The following MACROD2 variants were observed in gnomAD, a reference collection of about 807,000 sequenced individuals.
MACROD2 encodes mono-ADP ribosylhydrolase 2, also known as ADP-ribose glycohydrolase MACROD2.
MACROD2 carries 36 observed loss-of-function variants against 70.4 expected under a neutral mutation model. The ratio of observed to expected loss-of-function variants is 0.51; its 90% CI spans 0.39 to 0.68. The LOEUF is 0.68. Among genes scored for constraint, MACROD2 ranks in the 30% least tolerant of loss-of-function variants. The pLI is 0.00. For synonymous variants in MACROD2, 172 were observed against 178.8 expected (o/e 0.96, Z 0.30); for missense variants, 496 against 538.4 (o/e 0.92, Z 0.78).
chr20:15,033,709 C>T (rs2075292455), intron 5 of MACROD2, among the ~76,000 whole-genome samples: 1 of 152,192 alleles, frequency 6.6e-6, no homozygotes, highest in Non-Finnish European at 1.5e-5. Flanking sequence ...CATCATTCAT[C>T]ATTTTTGTCT....
At chr20:14,317,544 A>T (rs1248412928) in intron 3 of MACROD2, among the ~76,000 whole-genome samples, 1 of 147,396 alleles carries the variant, frequency 6.8e-6, no homozygotes, top group Non-Finnish European at 1.5e-5. Context: ...TGAACCTGGG[A>T]GGTGGAGGTT....
At chr20:16,032,213 T>A (rs965532525) in intron 15 of MACROD2, among the ~76,000 whole-genome samples, 1 of 152,044 alleles carries the variant, frequency 6.6e-6, no homozygotes, top group African/African-American at 2.4e-5. Context: ...TGAGCACACA[T>A]GGAATAAATA....
At chr20:15,694,528 C>G (rs1268403399) in intron 8 of MACROD2, among the ~76,000 whole-genome samples, 1 of 151,790 alleles carries the variant, frequency 6.6e-6, no homozygotes, top group Non-Finnish European at 1.5e-5. Flanking sequence ...TGAGAATTGT[C>G]TATTCATATT....
intron 3 of MACROD2, among the ~76,000 whole-genome samples, chr20:14,129,708 C>T (rs936773770): frequency 5.3e-5 from 8 of 152,116 alleles, no homozygotes; most frequent in African/African-American, 1.9e-4. Flanking sequence ...ACAGCAAAAC[C>T]AATCTTTAGC....
At chr20:14,348,193 C>T (rs112082781) in intron 3 of MACROD2, among the ~76,000 whole-genome samples, 3,084 of 150,206 alleles carry the variant, frequency 0.021, 99 homozygotes, top group African/African-American at 0.073. Flanking sequence ...TGCTTGAGCC[C>T]AGGAGGTGGA....
intron 5 of MACROD2, among the ~76,000 whole-genome samples, chr20:15,017,847 C>T (rs573738317): frequency 1.3e-5 from 2 of 152,306 alleles, no homozygotes; most frequent in Admixed American, 6.5e-5. Flanking sequence ...AGCTGGGACA[C>T]AGGGCACCAA....
chr20:15,484,106 C>A lies in MACROD2; in HGVS notation c.572-15668C>A, dbSNP rs1011668015. ...TATTTTTCTTGTCTTGCTGCTTTATCTAGGACCTCCATTGTGATGCTGTTA... is the reference window on the plus strand; with the variant it reads ...TATTTTTCTTGTCTTGCTGCTTTATATAGGACCTCCATTGTGATGCTGTTA... On this transcript the variant is annotated intron_variant, in intron 7 of 17. Transcript: ENST00000684519. 2.3e-5 allele frequency among the ~76,000 whole-genome samples: 3 copies of A among 131,744 alleles called. No homozygotes were observed. The Admixed American group carries it at 2.3e-4, about 10-fold the overall frequency. 86.4% of individuals were successfully genotyped at this position (131,744 alleles called of 152,430 possible).
intron 6 of MACROD2, among the ~76,000 whole-genome samples, chr20:15,281,870 G>T (rs2077447995): frequency 6.6e-6 from 1 of 152,196 alleles, no homozygotes; most frequent in African/African-American, 2.4e-5. Context: ...TGCCCTAACA[G>T]AGGATCTCCA....
rs114530317 is a variant in MACROD2 at position 15,092,974 on chromosome 20, A to G, written c.419-136966A>G. On this transcript the variant is annotated intron_variant, in intron 5 of 17. Coordinates refer to ENST00000684519, the MANE Select transcript of MACROD2 (RefSeq NM_001351661.2). ...CCTCTGAGTAAATATCACTAGTTGG[A>G]TAGAGTTTTATTCTACAAAGTAAAT... 1.7e-3 allele frequency among the ~76,000 whole-genome samples: 260 copies of G among 152,278 alleles called. 2 individuals are homozygous for G. Among genetic ancestry groups the G allele is most frequent in the African/African-American group, 6.0e-3 (248 of 41,564 alleles).
intron 12 of MACROD2, among the ~76,000 whole-genome samples, chr20:15,947,915 T>G (rs565745514): frequency 6.6e-6 from 1 of 152,262 alleles, no homozygotes; most frequent in South Asian, 2.1e-4. Context: ...AATGGGCCAC[T>G]TTTTGCTGGT....
At chr20:14,925,529 C>T (rs1227624320) in intron 5 of MACROD2, among the ~76,000 whole-genome samples, 1 of 152,180 alleles carries the variant, frequency 6.6e-6, no homozygotes, top group Non-Finnish European at 1.5e-5. Context: ...CATGAGTCAT[C>T]ATCCTTGGAA....
At chr20:15,010,937 C>T (rs1287033340) in intron 5 of MACROD2, among the ~76,000 whole-genome samples, 1 of 152,118 alleles carries the variant, frequency 6.6e-6, no homozygotes, top group East Asian at 1.9e-4. Context: ...ACTCAGTGAA[C>T]CTGGTTTTAC....
chr20:14,926,350 C>G (rs992659302), intron 5 of MACROD2, among the ~76,000 whole-genome samples: 6 of 151,962 alleles, frequency 3.9e-5, no homozygotes, highest in Non-Finnish European at 5.9e-5. Flanking sequence ...GAGATCAAGA[C>G]CATCCTGGCC....
intron 5 of MACROD2, among the ~76,000 whole-genome samples, chr20:15,033,946 C>G (rs771236712): frequency 1.3e-5 from 2 of 152,086 alleles, no homozygotes; most frequent in South Asian, 2.1e-4. Flanking sequence ...AGAGTTCAGA[C>G]GGCAAATGAT....
rs1555938552 is a variant in MACROD2 at position 14,222,813 on chromosome 20, G to GGAAA, written c.271+137085_271+137086insGAAA. On this transcript the variant is annotated intron_variant, in intron 3 of 17. Coordinates refer to ENST00000684519, the MANE Select transcript of MACROD2 (RefSeq NM_001351661.2). The stretch of plus-strand genomic sequence containing the variant: ...TTCACAGTTCAACCTTTGGATTTCT[G>GGAAA]AAAAAAAAAAAAAAAAAAAAAAAAA... Among the ~76,000 whole-genome samples, 4 of 132,918 alleles carry GGAAA rather than the reference G, an allele frequency of 3.0e-5. 1 individual carries two copies. Among genetic ancestry groups the GGAAA allele is most frequent in the Non-Finnish European group, 3.2e-5 (2 of 63,286 alleles). The allele number at this position is 132,918 out of a possible 152,430, so 87.2% of individuals were successfully genotyped here.
intron 7 of MACROD2, among the ~76,000 whole-genome samples, chr20:15,443,824 C>G (rs2046526905): frequency 6.6e-6 from 1 of 152,142 alleles, no homozygotes; most frequent in South Asian, 2.1e-4. Context: ...AGAGATCATA[C>G]TCTGGATTCA....
intron 8 of MACROD2, among the ~76,000 whole-genome samples, chr20:15,746,314 C>A (rs75663285): frequency 0.043 from 6,530 of 151,586 alleles, 157 homozygotes; most frequent in Middle Eastern, 0.078. Context: ...TTCTAAATAT[C>A]TGTTATTTTT....
At chr20:15,503,056 T>C (rs6110632) in intron 8 of MACROD2, among the ~76,000 whole-genome samples, 19,925 of 152,216 alleles carry the variant, frequency 0.13, 1,500 homozygotes, top group East Asian at 0.24. Flanking sequence ...AATGCAGCCT[T>C]TTTGTATGTT....
chr20:14,998,491 C>T (rs2074968486), intron 5 of MACROD2, among the ~76,000 whole-genome samples: 1 of 152,034 alleles, frequency 6.6e-6, no homozygotes, highest in Non-Finnish European at 1.5e-5. Context: ...CCAAAGAATT[C>T]ACCAGAGTCT....
Sources: gnomAD v4.1 joint callset for allele counts (sites outside exome capture counted in the v4.1 genomes callset) on GRCh38, gnomAD v4.1.1 for gene constraint, MANE v1.5 for transcripts, NCBI Gene and HGNC (gene_info 2026-07-23, HGNC 2026-07-21) for gene names.